PARD3: variants seen among roughly 807,000 people sequenced by gnomAD.
The protein encoded by PARD3 is partitioning defective 3 homolog.
In PARD3, 75 loss-of-function variants were observed where a neutral mutation model predicts 155.4. That is an observed-to-expected ratio of 0.48 (90% CI 0.40 to 0.58). The LOEUF is 0.58. Among genes scored for constraint, PARD3 ranks in the 20% least tolerant of loss-of-function variants. PARD3 has a pLI of 0.00. For missense variants in PARD3, 1,642 were observed against 1,721.7 expected (o/e 0.95, Z 0.82); for synonymous variants, 576 against 610.5 (o/e 0.94, Z 0.83).
intron 22 of PARD3, among the ~76,000 whole-genome samples, chr10:34,183,286 G>T (rs191417152): frequency 6.6e-6 from 1 of 152,128 alleles, no homozygotes; most frequent in African/African-American, 2.4e-5. Context: ...GGAGTGCAGC[G>T]GGGTGATCAC....
chr10:34,318,361 C>T (rs1031977450), intron 19 of PARD3, among the ~76,000 whole-genome samples: 1 of 152,198 alleles, frequency 6.6e-6, no homozygotes, highest in Non-Finnish European at 1.5e-5. Flanking sequence ...AGGTTAATTA[C>T]TCCGTGAATT....
chr10:34,145,209 ATATATATATATATTTTT>A (rs1164117536), intron 22 of PARD3, among the ~76,000 whole-genome samples: 3 of 63,744 alleles, frequency 4.7e-5, no homozygotes, highest in African/African-American at 2.6e-4. Flanking sequence ...ATATATATAT[ATATATATATATATTTTT>A]TTTTTTTTTT....
At chr10:34,278,112 T>C (rs1955975403) in intron 21 of PARD3, among the ~76,000 whole-genome samples, 1 of 151,964 alleles carries the variant, frequency 6.6e-6, no homozygotes, top group Non-Finnish European at 1.5e-5. Flanking sequence ...AGTAGTATAA[T>C]CATAGCTCAC....
intron 1 of PARD3, among the ~76,000 whole-genome samples, chr10:34,729,386 C>G (rs2094776173): frequency 6.6e-6 from 1 of 151,870 alleles, no homozygotes; most frequent in South Asian, 2.1e-4. Flanking sequence ...CAAAAATTAG[C>G]CAGGCGTGGT....
intron 18 of PARD3, among the ~76,000 whole-genome samples, chr10:34,333,092 ATGTAT>A (rs1364562211): frequency 1.3e-5 from 2 of 152,078 alleles, no homozygotes; most frequent in Non-Finnish European, 1.5e-5. Context: ...TTCCATACAC[ATGTAT>A]TGGGCAAATA....
intron 2 of PARD3, among the ~76,000 whole-genome samples, chr10:34,655,477 G>A (rs1323498292): frequency 6.6e-6 from 1 of 152,074 alleles, no homozygotes; most frequent in Admixed American, 6.6e-5. Context: ...AACCAACCCT[G>A]GAGAAAAGTG....
chr10:34,217,214 C>T (rs1177135805), intron 22 of PARD3, among the ~76,000 whole-genome samples: 1 of 151,894 alleles, frequency 6.6e-6, no homozygotes, highest in Non-Finnish European at 1.5e-5. Flanking sequence ...TCCCTGGGTG[C>T]TCTCACTTGC....
At chr10:34,183,506 G>A (rs564288219) in intron 22 of PARD3, among the ~76,000 whole-genome samples, 2 of 152,144 alleles carry the variant, frequency 1.3e-5, no homozygotes, top group African/African-American at 2.4e-5. Flanking sequence ...AAATGCAGGC[G>A]AGTAGAAACT....
chr10:34,164,413 A>G lies in PARD3; in HGVS notation c.3420-32830T>C, dbSNP rs578249476. Among the ~76,000 whole-genome samples, 9 of 152,344 alleles carry G rather than the reference A, an allele frequency of 5.9e-5. No individual in the cohort carries two copies. The East Asian group carries it at 1.5e-3, about 26-fold the overall frequency. ...GAATTAATCAAAAATGGCAAATTTCAGGTCATTTGATATGATAAGAATACA... is the reference window on the plus strand; with the variant it reads ...GAATTAATCAAAAATGGCAAATTTCGGGTCATTTGATATGATAAGAATACA... On this transcript the variant is annotated intron_variant, in intron 22 of 24. Transcript: ENST00000374788.
At chr10:34,277,403 G>T (rs1238231463) in intron 21 of PARD3, among the ~76,000 whole-genome samples, 1 of 152,108 alleles carries the variant, frequency 6.6e-6, no homozygotes, top group Non-Finnish European at 1.5e-5. Flanking sequence ...TAGGTAAGCT[G>T]CCAGTTTGGT....
At chr10:34,135,334 G>A (rs1010242115) in intron 22 of PARD3, among the ~76,000 whole-genome samples, 2 of 152,144 alleles carry the variant, frequency 1.3e-5, no homozygotes, top group Non-Finnish European at 2.9e-5. Flanking sequence ...AAATGAAGAG[G>A]GTTTGCTTTT....
At chr10:34,687,872 T>TTTTTTTTTA (rs869291068) in intron 2 of PARD3, among the ~76,000 whole-genome samples, 2 of 134,410 alleles carry the variant, frequency 1.5e-5, no homozygotes, top group Non-Finnish European at 3.1e-5. Flanking sequence ...TTTTTTTTTT[T>TTTTTTTTTA]GAGACAGGGT....
At chr10:34,216,150 T>G (rs17553102) in intron 22 of PARD3, among the ~76,000 whole-genome samples, 1 of 152,172 alleles carries the variant, frequency 6.6e-6, no homozygotes, top group Non-Finnish European at 1.5e-5. Flanking sequence ...TGGTCTAAGA[T>G]GGCGCCACAA....
rs959324064 is a variant in PARD3, at chr10:34,193,900, A to G, written c.3420-62317T>C. 4.6e-5 allele frequency among the ~76,000 whole-genome samples: 7 copies of G among 152,258 alleles called. No homozygotes were observed. In the South Asian group the frequency reaches 1.0e-3, roughly 23 times the overall value. On this transcript the variant is annotated intron_variant, in intron 22 of 24. Transcript: ENST00000374788. ...CCTGAATTTTCTACTAACATCACAA[A>G]CTACGGGGTGCTCCTCCTCCTGTGA...
chr10:34,300,137 A>G (rs1957080006), intron 20 of PARD3, among the ~76,000 whole-genome samples: 1 of 152,226 alleles, frequency 6.6e-6, no homozygotes, highest in Non-Finnish European at 1.5e-5. Context: ...CTTTGGATAG[A>G]CATGAAAGAT....
chr10:34,155,225 A>C (rs755346524), intron 22 of PARD3, among the ~76,000 whole-genome samples: 10 of 152,160 alleles, frequency 6.6e-5, no homozygotes, highest in Non-Finnish European at 1.2e-4. Context: ...GGGTTTCTGG[A>C]CTGGGGACTG....
intron 2 of PARD3, among the ~76,000 whole-genome samples, chr10:34,531,821 A>G (rs1213865625): frequency 2.0e-5 from 3 of 152,188 alleles, no homozygotes; most frequent in Admixed American, 6.5e-5. Context: ...GCGTTATTCA[A>G]GGTTTACAGT....
At chr10:34,248,901 CA>C (rs1030941230) in intron 22 of PARD3, among the ~76,000 whole-genome samples, 10 of 152,140 alleles carry the variant, frequency 6.6e-5, no homozygotes, top group Non-Finnish European at 1.5e-5. Flanking sequence ...CAAAGGTAAG[CA>C]AAATGTGAAG....
chr10:34,232,729 C>A (rs1407249149), intron 22 of PARD3, among the ~76,000 whole-genome samples: 1 of 152,072 alleles, frequency 6.6e-6, no homozygotes, highest in African/African-American at 2.4e-5. Flanking sequence ...GAGACAAAGT[C>A]TTGCTGTATT....
Sources: gnomAD v4.1 joint callset for allele counts (sites outside exome capture counted in the v4.1 genomes callset) on GRCh38, gnomAD v4.1.1 for gene constraint, MANE v1.5 for transcripts, NCBI Gene and HGNC (gene_info 2026-07-23, HGNC 2026-07-21) for gene names.